Variants in SH3RF1 observed in about 807,000 individuals in gnomAD.
SH3RF1 encodes the protein SH3 domain containing ring finger 1, also known as E3 ubiquitin-protein ligase SH3RF1.
Under a neutral mutation model 74.0 loss-of-function variants are expected in SH3RF1, and 32 were observed. The observed-to-expected ratio is 0.43, with a 90% CI of 0.33 to 0.58. The LOEUF is 0.58. Among genes scored for constraint, SH3RF1 ranks in the 20% least tolerant of loss-of-function variants. The pLI, the probability that SH3RF1 is intolerant of heterozygous loss-of-function variation, is 0.05. For synonymous variants in SH3RF1, 396 were observed against 439.6 expected (o/e 0.90, Z 1.24); for missense variants, 954 against 1,130.9 (o/e 0.84, Z 2.24).
At chr4:169,163,578 C>T (rs192620376) in intron 2 of SH3RF1, among the ~76,000 whole-genome samples, 29 of 152,320 alleles carry the variant, frequency 1.9e-4, no homozygotes, top group Admixed American at 1.4e-3. Context: ...TCCTGAAACA[C>T]GGTTTTGTCC....
rs1224252319 is a variant in SH3RF1, at chr4:169,096,704, T to C, written c.2499-17A>G. ...ACCCTGTGCCTAGAAAAGAAAGAGA[T>C]TTTGGTTAAGGCGATTCAAAGCAGT... On this transcript the variant is annotated splice_polypyrimidine_tract_variant and intron_variant, in intron 11 of 11. Coordinates refer to ENST00000284637, the MANE Select transcript of SH3RF1 (RefSeq NM_020870.4). 6.2e-7 allele frequency: 1 copy of C among 1,601,842 alleles called. No homozygotes were observed. The highest frequency in any genetic ancestry group is 8.5e-7 in the Non-Finnish European group (1 of 1,175,816).
At chr4:169,249,761 A>G (rs1217184562) in intron 2 of SH3RF1, among the ~76,000 whole-genome samples, 3 of 152,236 alleles carry the variant, frequency 2.0e-5, no homozygotes, top group Admixed American at 2.0e-4. Context: ...AGTGCAGATT[A>G]AAGTACAGTA....
chr4:169,161,181 T>C (rs1380429427), intron 2 of SH3RF1, among the ~76,000 whole-genome samples: 1 of 152,240 alleles, frequency 6.6e-6, no homozygotes, highest in African/African-American at 2.4e-5. Flanking sequence ...AGTCTAACCT[T>C]GGGTTTGCGG....
chr4:169,242,762 C>T (rs1730933850), intron 2 of SH3RF1, among the ~76,000 whole-genome samples: 1 of 152,212 alleles, frequency 6.6e-6, no homozygotes, highest in Non-Finnish European at 1.5e-5. Flanking sequence ...TGCCATCCAT[C>T]TCCTGCCTGC....
At chr4:169,178,453 A>G (rs972919930) in intron 2 of SH3RF1, among the ~76,000 whole-genome samples, 1 of 151,980 alleles carries the variant, frequency 6.6e-6, no homozygotes, top group Non-Finnish European at 1.5e-5. Flanking sequence ...TCACATCAGG[A>G]CGAGGAAGTA....
intron 10 of SH3RF1, among the ~76,000 whole-genome samples, chr4:169,114,237 T>C: frequency 6.6e-6 from 1 of 152,200 alleles, no homozygotes; most frequent in Middle Eastern, 3.2e-3. Context: ...CCCTTGTCTT[T>C]TCCAGATTCT....
chr4:169,188,076 AG>A (rs1423747971), intron 2 of SH3RF1, among the ~76,000 whole-genome samples: 2 of 152,054 alleles, frequency 1.3e-5, no homozygotes, highest in Non-Finnish European at 2.9e-5. Context: ...AGAAAGAAGA[AG>A]GGATTCTTCC....
intron 4 of SH3RF1, among the ~76,000 whole-genome samples, chr4:169,142,397 C>T (rs920319113): frequency 2.0e-5 from 3 of 152,140 alleles, no homozygotes; most frequent in Non-Finnish European, 4.4e-5. Context: ...CTTGATTTAA[C>T]ATCATGCTTT....
In SH3RF1 at chr4:169,145,940, A is replaced by G. The variant is rs1201551096; in HGVS notation, c.766-9320T>C. Among the ~76,000 whole-genome samples the G allele has an allele frequency of 1.4e-5, 2 of 139,566 alleles. 1 individual carries two copies. Among genetic ancestry groups the G allele is most frequent in the Non-Finnish European group, 3.1e-5 (2 of 65,314 alleles). 91.6% of individuals were successfully genotyped at this position (139,566 alleles called of 152,430 possible). A position where few individuals can be genotyped will look rare whatever the true frequency, so the allele number is the denominator to read the frequency against. On this transcript the variant is annotated intron_variant, in intron 4 of 11. Transcript: ENST00000284637. ...TTCTATATAAAATATTACATATTCTATATATTATTCTATATAAAATATTAC... is the reference window on the plus strand; with the variant it reads ...TTCTATATAAAATATTACATATTCTGTATATTATTCTATATAAAATATTAC...
chr4:169,193,405 C>A (rs576785846), intron 2 of SH3RF1, among the ~76,000 whole-genome samples: 1 of 152,206 alleles, frequency 6.6e-6, no homozygotes, highest in South Asian at 2.1e-4. Flanking sequence ...TTCCAACAGA[C>A]AATGCACAAG....
At chr4:169,225,161 C>T (rs1356862176) in intron 2 of SH3RF1, among the ~76,000 whole-genome samples, 2 of 152,094 alleles carry the variant, frequency 1.3e-5, no homozygotes, top group Admixed American at 1.3e-4. Context: ...GAGATTTAAC[C>T]CTGGGCAACA....
At chr4:169,217,828 A>G (rs1191724350) in intron 2 of SH3RF1, among the ~76,000 whole-genome samples, 1 of 152,196 alleles carries the variant, frequency 6.6e-6, no homozygotes, top group Non-Finnish European at 1.5e-5. Context: ...GTATACTTTA[A>G]AATGTTAAGT....
intron 2 of SH3RF1, among the ~76,000 whole-genome samples, chr4:169,251,035 G>T (rs971557902): frequency 6.6e-6 from 1 of 152,156 alleles, no homozygotes; most frequent in African/African-American, 2.4e-5. Flanking sequence ...AGGAGATAAG[G>T]TGGAGGAAAA....
At chr4:169,184,652 G>A (rs893095524) in intron 2 of SH3RF1, among the ~76,000 whole-genome samples, 7 of 152,206 alleles carry the variant, frequency 4.6e-5, no homozygotes, top group African/African-American at 1.7e-4. Flanking sequence ...ACAGGATGAG[G>A]AAGGCTGGTA....
chr4:169,214,313 G>A (rs1730426668), intron 2 of SH3RF1, among the ~76,000 whole-genome samples: 1 of 152,226 alleles, frequency 6.6e-6, no homozygotes, highest in African/African-American at 2.4e-5. Context: ...AAAGCTCCCT[G>A]AGGCCTCACC....
intron 2 of SH3RF1, among the ~76,000 whole-genome samples, chr4:169,246,055 G>C (rs903700317): frequency 6.6e-6 from 1 of 152,310 alleles, no homozygotes; most frequent in Middle Eastern, 3.4e-3. Flanking sequence ...GATGTGATGG[G>C]TATAAAACTA....
In SH3RF1 at chr4:169,191,239, T is replaced by C. The variant is rs138994060; in HGVS notation, c.394-34560A>G. 6.2e-3 allele frequency among the ~76,000 whole-genome samples: 900 copies of C among 144,990 alleles called. 5 individuals carry two copies. Among genetic ancestry groups the C allele is most frequent in the Middle Eastern group, 0.015 (4 of 266 alleles). ...TACGCAGATCAGTAGCTCTTCTATA[T>C]ACCAACAGCGACCCAGCTGATAATC... is the stretch of plus-strand genomic sequence containing the variant. On this transcript the variant is annotated intron_variant, in intron 2 of 11. Coordinates refer to ENST00000284637, the MANE Select transcript of SH3RF1 (RefSeq NM_020870.4).
At position 169,096,026 on chromosome 4, in the gene SH3RF1, T is replaced by C. The variant is rs1732923343; in HGVS notation, c.*493A>G. The C allele has an allele frequency of 6.6e-6, 1 of 152,528 alleles. No homozygotes were observed. The highest frequency in any genetic ancestry group is 2.1e-4 in the South Asian group (1 of 4,830). 9.4% of individuals were successfully genotyped at this position (152,528 alleles called of 1,614,324 possible). A position where few individuals can be genotyped will look rare whatever the true frequency, so the allele number is the denominator to read the frequency against. On this transcript the variant is annotated 3_prime_UTR_variant, in exon 12 of 12. Coordinates refer to ENST00000284637, the MANE Select transcript of SH3RF1 (RefSeq NM_020870.4). ...AGCAAAACATAACCCCAAAATATAA[T>C]GGTAGCAGGGAGGAGGAGAGGGGAA...
chr4:169,102,307 C>T (rs887093104), intron 11 of SH3RF1, among the ~76,000 whole-genome samples: 14 of 152,184 alleles, frequency 9.2e-5, no homozygotes, highest in Non-Finnish European at 4.4e-5. Context: ...GCTGGTTAAG[C>T]CCAGCTGCCT....
Sources: allele counts gnomAD v4.1 joint callset (sites outside exome capture counted in the v4.1 genomes callset), GRCh38; gene constraint gnomAD v4.1.1; transcripts MANE v1.5; gene names NCBI Gene and HGNC (gene_info 2026-07-23, HGNC 2026-07-21).